Variants in MMP20 observed in about 807,000 individuals in gnomAD.
MMP20 encodes matrix metallopeptidase 20, also known as matrix metalloproteinase-20.
MMP20 carries 50 observed loss-of-function variants against 51.8 expected under a neutral mutation model. The ratio of observed to expected loss-of-function variants is 0.97; its 90% CI spans 0.77 to 1.22. The LOEUF (loss-of-function observed/expected upper bound fraction) is 1.22, where lower values mean the gene tolerates loss of function less well. Among genes scored for constraint, MMP20 ranks in the 50% most tolerant of loss-of-function variants. MMP20 has a pLI of 0.00. For synonymous variants in MMP20, 244 were observed against 216.2 expected (o/e 1.13, Z -1.13); for missense variants, 663 against 601.4 (o/e 1.10, Z -1.07).
At chr11:102,597,296 T>C (rs1384213949) in intron 6 of MMP20, among the ~76,000 whole-genome samples, 1 of 152,220 alleles carries the variant, frequency 6.6e-6, no homozygotes, top group Non-Finnish European at 1.5e-5. Context: ...TTTGGGACAG[T>C]GATATCTTGA....
chr11:102,618,104 C>T (rs1859697653), intron 1 of MMP20, among the ~76,000 whole-genome samples: 1 of 152,020 alleles, frequency 6.6e-6, no homozygotes, highest in South Asian at 2.1e-4. Flanking sequence ...AATATAAATG[C>T]TATGTAAATA....
chr11:102,607,045 A>G (rs942115630), intron 5 of MMP20: 1 of 210,754 alleles, frequency 4.7e-6, no homozygotes, highest in African/African-American at 2.3e-5. Flanking sequence ...TGATATCTAC[A>G]AGTGTTCCAA....
chr11:102,596,517 A>T (rs1275761266), intron 6 of MMP20, among the ~76,000 whole-genome samples: 1 of 152,238 alleles, frequency 6.6e-6, no homozygotes, highest in Admixed American at 6.5e-5. Context: ...ATATGGATAG[A>T]TACTGTTAGT....
intron 8 of MMP20, among the ~76,000 whole-genome samples, chr11:102,588,528 C>T (rs1266579800): frequency 2.0e-5 from 3 of 152,026 alleles, no homozygotes; most frequent in African/African-American, 7.2e-5. Context: ...TTATTATTGA[C>T]AAGTATATTT....
chr11:102,624,147 G>T (rs987564101), intron 1 of MMP20, among the ~76,000 whole-genome samples: 1 of 152,174 alleles, frequency 6.6e-6, no homozygotes, highest in African/African-American at 2.4e-5. Flanking sequence ...ATTGCACATG[G>T]GTGCAAATCA....
intron 3 of MMP20, 28 bp downstream of exon 3, chr11:102,611,727 A>G: frequency 6.2e-7 from 1 of 1,611,032 alleles, no homozygotes. Context: ...CCTTTGAATT[A>G]GTAGATGGAA....
chr11:102,598,603 C>G (rs1565393694), intron 6 of MMP20, among the ~76,000 whole-genome samples: 1 of 152,232 alleles, frequency 6.6e-6, no homozygotes, highest in Non-Finnish European at 1.5e-5. Flanking sequence ...TACCAAAGAA[C>G]AGTAACTAAC....
intron 8 of MMP20, among the ~76,000 whole-genome samples, chr11:102,579,757 G>C (rs17174298): frequency 3.5e-3 from 530 of 152,174 alleles, no homozygotes; most frequent in Middle Eastern, 6.8e-3. Flanking sequence ...CACATACATT[G>C]TTTAGAAATA....
chr11:102,623,543 T>C (rs1859777667), intron 1 of MMP20, among the ~76,000 whole-genome samples: 1 of 152,200 alleles, frequency 6.6e-6, no homozygotes. Flanking sequence ...CCCACGTCCA[T>C]GAAAAACTGT....
intron 8 of MMP20, among the ~76,000 whole-genome samples, chr11:102,580,822 C>T (rs1270034423): frequency 6.6e-6 from 1 of 152,180 alleles, no homozygotes; most frequent in Non-Finnish European, 1.5e-5. Flanking sequence ...GCAGGAAGGA[C>T]ATAAACTGAG....
chr11:102,624,848 G>A (rs915835603), intron 1 of MMP20, among the ~76,000 whole-genome samples: 1 of 152,068 alleles, frequency 6.6e-6, no homozygotes, highest in Non-Finnish European at 1.5e-5. Flanking sequence ...ATTATGCCTC[G>A]GTTTTTATTT....
rs1168517234 is a variant in MMP20 at position 102,601,125 on chromosome 11, CT to C, written c.953+5409del. On this transcript the variant is annotated intron_variant, in intron 6 of 9. Coordinates refer to ENST00000260228, the MANE Select transcript of MMP20 (RefSeq NM_004771.4). ...AAATGACCACGAAGTGTCGGCTATT[CT>C]TTTTTTTTTTTTTTTTTTTTTTTTG... 6.2e-3 allele frequency among the ~76,000 whole-genome samples: 175 copies of C among 28,248 alleles called. 1 individual carries two copies. Among genetic ancestry groups the C allele is most frequent in the African/African-American group, 0.028 (165 of 5,836 alleles). 18.5% of individuals were successfully genotyped at this position (28,248 alleles called of 152,430 possible). A position where few individuals can be genotyped will look rare whatever the true frequency, so the allele number is the denominator to read the frequency against.
Position 102,608,921 on chromosome 11 carries a change from A to G in MMP20, c.811+16T>C, listed in dbSNP as rs767003490. ...CCAATTTCAGGGTGAGTCATCAAAG[A>G]AGGTAATAATCTTACCGTATAATGC... On this transcript the variant is annotated intron_variant, in intron 5 of 9. Transcript: ENST00000260228. The G allele has an allele frequency of 3.1e-6, 5 of 1,613,544 alleles. No homozygotes were observed. In the East Asian group the frequency reaches 6.7e-5, roughly 22 times the overall value.
intron 3 of MMP20, among the ~76,000 whole-genome samples, chr11:102,611,297 C>T (rs958277940): frequency 1.3e-5 from 2 of 152,180 alleles, no homozygotes; most frequent in Admixed American, 6.5e-5. Flanking sequence ...AAGACAGAAA[C>T]GATACTTTCC....
rs567271807 is a variant in MMP20 at position 102,613,764 on chromosome 11, A to G, written c.375-1861T>C. Among the ~76,000 whole-genome samples the G allele has an allele frequency of 5.9e-5, 9 of 152,312 alleles. No homozygotes were observed. The South Asian group carries it at 1.9e-3, about 32-fold the overall frequency. Reference sequence around the variant, plus strand: ...GGGGCCAAAAGAAGAGAGCTATAGAATTGAAGGGGGATACCAGACAGACCC... The same window carrying G: ...GGGGCCAAAAGAAGAGAGCTATAGAGTTGAAGGGGGATACCAGACAGACCC... On this transcript the variant is annotated intron_variant, in intron 2 of 9. Transcript: ENST00000260228.
In MMP20 at chr11:102,609,913, C is replaced by G. The variant is rs1859574030; in HGVS notation, c.641G>C (p.Gly214Ala). 1 of 1,614,142 alleles carries G rather than the reference C, an allele frequency of 6.2e-7. No homozygotes were observed. The highest frequency in any genetic ancestry group is 8.5e-7 in the Non-Finnish European group (1 of 1,180,030). Residue 214 changes from glycine to alanine, a missense_variant, in exon 4 of 10, where the codon GGA (glycine) becomes GCA (alanine). By Grantham distance (60) the Gly-to-Ala change is moderately conservative. Transcript: ENST00000260228. ...HFDNAEKWTM[G>A]TNGFNLFTVA... The stretch of plus-strand genomic sequence containing the variant: ...GAATTGTGCATATATACCATTCGTT[C>G]CCATAGTCCACTTCTCAGCATTGTC...
At chr11:102,608,501 T>C (rs1368354406) in intron 5 of MMP20, among the ~76,000 whole-genome samples, 2 of 152,200 alleles carry the variant, frequency 1.3e-5, no homozygotes, top group Non-Finnish European at 2.9e-5. Context: ...ACTACACACA[T>C]GAACCTGTTT....
At chr11:102,596,702 C>T (rs372010946) in intron 6 of MMP20, among the ~76,000 whole-genome samples, 16 of 152,196 alleles carry the variant, frequency 1.1e-4, no homozygotes, top group African/African-American at 3.1e-4. Context: ...GGGGCAGAGA[C>T]GGCCCAGCTC....
Position 102,577,103 on chromosome 11 carries a change from A to G in MMP20, c.*223T>C. 1 of 520,590 alleles carries G rather than the reference A, an allele frequency of 1.9e-6. No homozygotes were observed. The highest frequency in any genetic ancestry group is 3.5e-6 in the Non-Finnish European group (1 of 288,886). The allele number at this position is 520,590 out of a possible 1,614,324, so 32.2% of individuals were successfully genotyped here. The stretch of plus-strand genomic sequence containing the variant: ...TGCAGAGTGCATTGTGTTGATTTGG[A>G]TTTCGCATAAAGTTGCCCATATAAA... On this transcript the variant is annotated 3_prime_UTR_variant, in exon 10 of 10. Coordinates refer to ENST00000260228, the MANE Select transcript of MMP20 (RefSeq NM_004771.4).
Sources: allele counts gnomAD v4.1 joint callset (sites outside exome capture counted in the v4.1 genomes callset), GRCh38; gene constraint gnomAD v4.1.1; transcripts MANE v1.5; gene names NCBI Gene and HGNC (gene_info 2026-07-23, HGNC 2026-07-21).